The following SLC7A14 variants were observed in gnomAD, a reference collection of about 807,000 sequenced individuals.
SLC7A14 encodes gamma-aminobutyric acid transporter SLC7A14.
In SLC7A14, 37 loss-of-function variants were observed where a neutral mutation model predicts 60.2. That is an observed-to-expected ratio of 0.61 (90% confidence interval 0.47 to 0.81). The LOEUF (loss-of-function observed/expected upper bound fraction) is 0.81. SLC7A14 is among the 30% of genes least tolerant of loss of function. The pLI is 0.00. For missense variants in SLC7A14, 886 were observed against 982.7 expected (o/e 0.90, Z 1.32); for synonymous variants, 399 against 395.8 (o/e 1.01, Z -0.10).
At chr3:170,560,206 A>G (rs1714607807) in intron 1 of SLC7A14, among the ~76,000 whole-genome samples, 1 of 152,186 alleles carries the variant, frequency 6.6e-6, no homozygotes, top group African/African-American at 2.4e-5. Context: ...TTAAGTTTAG[A>G]ATTCTGTCAG....
At position 170,462,757 on chromosome 3, in the gene SLC7A14, A is replaced by G. The variant is rs766843615; in HGVS notation, c.*4298T>C. On this transcript the variant is annotated 3_prime_UTR_variant, in exon 8 of 8. Coordinates refer to ENST00000231706, the MANE Select transcript of SLC7A14 (RefSeq NM_020949.3). ...AAAAAAAAAAGTAGCACTCAAGCTCAGTAAAACCTGGAGCTGAGATTTTAC... is the reference window on the plus strand; with the variant it reads ...AAAAAAAAAAGTAGCACTCAAGCTCGGTAAAACCTGGAGCTGAGATTTTAC... 11 of 152,038 alleles carry G rather than the reference A, an allele frequency of 7.2e-5. No individual in the cohort carries two copies. Among genetic ancestry groups the G allele is most frequent in the Admixed American group, 1.3e-4 (2 of 15,278 alleles). 9.4% of individuals were successfully genotyped at this position (152,038 alleles called of 1,614,324 possible).
Position 170,495,118 on chromosome 3 carries a change from T to G in SLC7A14, c.759+3549A>C, listed in dbSNP as rs544297339. Among the ~76,000 whole-genome samples the G allele has an allele frequency of 2.0e-5, 3 of 152,352 alleles. No homozygotes were observed. In the South Asian group the frequency reaches 6.2e-4, roughly 32 times the overall value. On this transcript the variant is annotated intron_variant, in intron 4 of 7. Coordinates refer to ENST00000231706, the MANE Select transcript of SLC7A14 (RefSeq NM_020949.3). ...TAACAGGTAGTCAATAAAAACTAGT[T>G]CCTTCCTCATGTAGTTTTAACTATT...
At chr3:170,572,663 G>A (rs958794417) in intron 1 of SLC7A14, among the ~76,000 whole-genome samples, 2 of 152,206 alleles carry the variant, frequency 1.3e-5, no homozygotes, top group African/African-American at 4.8e-5. Context: ...TATTCACTAA[G>A]AGTATTGAAA....
intron 1 of SLC7A14, among the ~76,000 whole-genome samples, chr3:170,561,236 T>C (rs1714639419): frequency 6.6e-6 from 1 of 152,188 alleles, no homozygotes; most frequent in Admixed American, 6.5e-5. Context: ...CATGTTTCAG[T>C]CTTCTTCAGG....
In SLC7A14 at chr3:170,498,789, AG is replaced by A. The variant is rs1712496581; in HGVS notation, c.636del (p.Phe213SerfsTer8). The A allele has an allele frequency of 6.2e-7, 1 of 1,614,070 alleles. No individual in the cohort carries two copies. The highest frequency in any genetic ancestry group is 8.5e-7 in the Non-Finnish European group (1 of 1,180,046). On this transcript the variant is annotated frameshift_variant, in exon 4 of 8. Coordinates refer to ENST00000231706, the MANE Select transcript of SLC7A14 (RefSeq NM_020949.3). LOFTEE classifies it high-confidence loss of function. ...IVALGVKNSI[G>X]FNNVLNVLNL... ...TTCAGCACATTGAGAACATTGTTGA[AG>A]CCTATGGAATTCTTCACCCCCAGAG...
At chr3:170,499,755 C>A (rs1712544147) in intron 3 of SLC7A14, among the ~76,000 whole-genome samples, 1 of 152,124 alleles carries the variant, frequency 6.6e-6, no homozygotes, top group Admixed American at 6.5e-5. Context: ...GGACTCCTGC[C>A]CTCTATAGAG....
intron 1 of SLC7A14, among the ~76,000 whole-genome samples, chr3:170,533,689 T>C (rs1713749504): frequency 1.3e-5 from 2 of 151,988 alleles, no homozygotes; most frequent in Admixed American, 6.6e-5. Flanking sequence ...GGTGTGTGTG[T>C]GTGCACGCAC....
chr3:170,471,306 A>G (rs1739901836), intron 7 of SLC7A14, among the ~76,000 whole-genome samples: 1 of 152,132 alleles, frequency 6.6e-6, no homozygotes, highest in Non-Finnish European at 1.5e-5. Context: ...ATGGAAAACA[A>G]TTTGGCTTAA....
intron 1 of SLC7A14, among the ~76,000 whole-genome samples, chr3:170,534,296 T>C (rs1349849902): frequency 6.6e-6 from 1 of 152,206 alleles, no homozygotes; most frequent in Non-Finnish European, 1.5e-5. Flanking sequence ...TGCTGCTCTT[T>C]CGTGGCACAA....
Position 170,501,205 on chromosome 3 carries a change from C to A in SLC7A14, c.445G>T (p.Ala149Ser), listed in dbSNP as rs1387220578. The A allele has an allele frequency of 2.5e-6, 4 of 1,614,090 alleles. No individual in the cohort carries two copies. Among genetic ancestry groups the A allele is most frequent in the Non-Finnish European group, 3.4e-6 (4 of 1,180,044 alleles). ...LILEYLIGTA[A>S]GASALSSMFD... Reference sequence around the variant, plus strand: ...ATGCTGCTCAGAGCACTGGCTCCGGCCGCAGTGCCAATCAGGTACTCCAGG... The same window carrying A: ...ATGCTGCTCAGAGCACTGGCTCCGGACGCAGTGCCAATCAGGTACTCCAGG... Residue 149 changes from alanine (A) to serine (S), a missense_variant, in exon 3 of 8, where the codon GCC (alanine) becomes TCC (serine). Ala to Ser is a moderately conservative substitution (Grantham distance 99). Coordinates refer to ENST00000231706, the MANE Select transcript of SLC7A14 (RefSeq NM_020949.3).
intron 3 of SLC7A14, 45 bp downstream of exon 3, chr3:170,501,064 T>C (rs1712590227): frequency 1.9e-6 from 3 of 1,590,652 alleles, no homozygotes; most frequent in Non-Finnish European, 1.7e-6. Flanking sequence ...TTTATGTGGC[T>C]TGGTAAGTTT....
chr3:170,570,412 G>A (rs928689319), intron 1 of SLC7A14: 12 of 151,368 alleles, frequency 7.9e-5, no homozygotes, highest in South Asian at 2.1e-4. Context: ...TTGCACCGCC[G>A]TACTCTAGCC....
intron 4 of SLC7A14, among the ~76,000 whole-genome samples, chr3:170,492,068 T>G (rs2108275075): frequency 1.3e-5 from 2 of 152,324 alleles, no homozygotes; most frequent in Middle Eastern, 6.8e-3. Context: ...ACCCATGAAA[T>G]GAAACTGTAT....
intron 2 of SLC7A14, among the ~76,000 whole-genome samples, chr3:170,517,736 C>T (rs761170424): frequency 6.6e-6 from 1 of 152,224 alleles, no homozygotes; most frequent in Non-Finnish European, 1.5e-5. Flanking sequence ...GAGCTCTGCT[C>T]TCTGTTCTCT....
In SLC7A14 at chr3:170,496,319, C is replaced by A. The variant is rs143076784; in HGVS notation, c.759+2348G>T. 601 of 1,043,744 alleles carry A rather than the reference C, an allele frequency of 5.8e-4. 4 individuals are homozygous for A. In the African/African-American group the frequency reaches 7.8e-3, roughly 14 times the overall value. The allele number at this position is 1,043,744 out of a possible 1,614,324, so 64.7% of individuals were successfully genotyped here. On this transcript the variant is annotated intron_variant, in intron 4 of 7. Coordinates refer to ENST00000231706, the MANE Select transcript of SLC7A14 (RefSeq NM_020949.3). The stretch of plus-strand genomic sequence containing the variant: ...AGCTGCAGACGCTGGCTGGCAAGCA[C>A]GGGGATGACCTGCGGTGTACAAAGA...
intron 4 of SLC7A14, among the ~76,000 whole-genome samples, chr3:170,494,012 A>G (rs1712304995): frequency 1.3e-5 from 2 of 152,222 alleles, no homozygotes; most frequent in Non-Finnish European, 1.5e-5. Flanking sequence ...AAATCTACTC[A>G]AGGCAGTAGG....
chr3:170,552,091 A>G (rs1714369067), intron 1 of SLC7A14, among the ~76,000 whole-genome samples: 1 of 152,164 alleles, frequency 6.6e-6, no homozygotes, highest in Non-Finnish European at 1.5e-5. Context: ...TTTTTGAATA[A>G]CAACTGAGGT....
At chr3:170,552,789 A>T (rs1030161983) in intron 1 of SLC7A14, among the ~76,000 whole-genome samples, 1 of 152,234 alleles carries the variant, frequency 6.6e-6, no homozygotes, top group Admixed American at 6.5e-5. Flanking sequence ...TGGTTAAAAT[A>T]GGAAACTGTC....
At chr3:170,574,508 C>A (rs765818144) in intron 1 of SLC7A14, among the ~76,000 whole-genome samples, 4 of 152,194 alleles carry the variant, frequency 2.6e-5, no homozygotes, top group Non-Finnish European at 5.9e-5. Context: ...TGATGGGAGC[C>A]ATGGACTCTG....
Sources: allele counts gnomAD v4.1 joint callset (sites outside exome capture counted in the v4.1 genomes callset), GRCh38; gene constraint gnomAD v4.1.1; transcripts MANE v1.5; gene names NCBI Gene and HGNC (gene_info 2026-07-23, HGNC 2026-07-21).